The following NRG1 variants were observed in gnomAD, a reference collection of about 807,000 sequenced individuals.
NRG1 encodes neuregulin 1.
In NRG1, 18 loss-of-function variants were observed where a neutral mutation model predicts 63.8. That is an observed-to-expected ratio of 0.28 (90% CI 0.19 to 0.42). The LOEUF (loss-of-function observed/expected upper bound fraction) is 0.42. Among genes scored for constraint, NRG1 ranks in the 10% least tolerant of loss-of-function variants. The probability of loss-of-function intolerance (pLI) is 1.00; values close to 1 mark genes in which losing one functional copy is unlikely to be tolerated. For missense variants in NRG1, 762 were observed against 814.7 expected (o/e 0.94, Z 0.79); for synonymous variants, 302 against 301.3 (o/e 1.00, Z -0.02).
intron 1 of NRG1, among the ~76,000 whole-genome samples, chr8:31,747,855 G>A (rs1274586251): frequency 6.6e-6 from 1 of 151,832 alleles, no homozygotes; most frequent in Admixed American, 6.6e-5. Context: ...ATATATCCCA[G>A]GCTTCTTGGC....
At chr8:32,330,910 T>G (rs1323557023) in intron 1 of NRG1, among the ~76,000 whole-genome samples, 1 of 152,114 alleles carries the variant, frequency 6.6e-6, no homozygotes, top group East Asian at 1.9e-4. Context: ...TCTCTTCTGA[T>G]TATATTGTTT....
rs765448738 is a variant in NRG1, at chr8:32,742,915, G to C, written c.691+182G>C. On this transcript the variant is annotated intron_variant, in intron 7 of 11. Coordinates refer to ENST00000356819, the Ensembl canonical transcript of NRG1. The surrounding 1 kb of genome is among the most constrained non-coding windows in gnomAD (Gnocchi z 4.2). ...CAAAAGCAATTGTATTACTTCCTCT[G>C]TTCGCGACTAGTTGGCTCTGAGATA... 7.5e-5 allele frequency: 111 copies of C among 1,488,516 alleles called. 1 individual carries two copies. The highest frequency in any genetic ancestry group is 9.1e-5 in the Non-Finnish European group (102 of 1,118,328). The allele number at this position is 1,488,516 out of a possible 1,614,324, so 92.2% of individuals were successfully genotyped here.
chr8:32,493,397 C>G (rs1183041199), intron 1 of NRG1, among the ~76,000 whole-genome samples: 3 of 152,220 alleles, frequency 2.0e-5, no homozygotes, highest in African/African-American at 7.2e-5. Context: ...TTCAGATGAC[C>G]CGCCAAAAAC....
intron 1 of NRG1, among the ~76,000 whole-genome samples, chr8:32,277,225 G>T (rs899919786): frequency 1.3e-5 from 2 of 152,126 alleles, no homozygotes; most frequent in Non-Finnish European, 1.5e-5. Flanking sequence ...ATTACAAAAT[G>T]ACACAATAAA....
At chr8:32,368,878 C>A (rs915031144) in intron 1 of NRG1, among the ~76,000 whole-genome samples, 1 of 152,192 alleles carries the variant, frequency 6.6e-6, no homozygotes, top group African/African-American at 2.4e-5. Flanking sequence ...AAATTTAAAT[C>A]ACCGTAACAC....
intron 1 of NRG1, among the ~76,000 whole-genome samples, chr8:31,979,489 A>G (rs943724987): frequency 6.6e-5 from 10 of 152,036 alleles, no homozygotes; most frequent in African/African-American, 2.4e-4. Flanking sequence ...TTCCTATATA[A>G]AATCTTATTA....
At chr8:32,369,730 T>C (rs78165117) in intron 1 of NRG1, among the ~76,000 whole-genome samples, 8,761 of 152,326 alleles carry the variant, frequency 0.058, 324 homozygotes, top group Middle Eastern at 0.099. Flanking sequence ...TTAATAGTAG[T>C]GGCATTGTTG....
In NRG1 at chr8:32,381,482, G is replaced by GTGT. The variant is rs1489956824; in HGVS notation, c.38-214345_38-214344insGTT. Among the ~76,000 whole-genome samples the GTGT allele has an allele frequency of 2.2e-3, 339 of 152,258 alleles. 3 individuals are homozygous for GTGT. The highest frequency in any genetic ancestry group is 7.9e-3 in the African/African-American group (330 of 41,528). On this transcript the variant is annotated intron_variant, in intron 1 of 10. Coordinates refer to the NRG1 transcript ENST00000519301. ...ATCCTCAACACGGAGGCAGGGCCTG[G>GTGT]TACAGCACAGTCCTCAATAAATACT... is the stretch of plus-strand genomic sequence containing the variant.
intron 5 of NRG1, among the ~76,000 whole-genome samples, chr8:32,709,705 G>A (rs985597516): frequency 2.6e-5 from 4 of 152,092 alleles, no homozygotes; most frequent in Admixed American, 6.6e-5. Flanking sequence ...ATAGGTGTGA[G>A]CCAATGAGCC....
Position 32,548,835 on chromosome 8 carries a change from G to T in NRG1, c.100+9G>T. 6.4e-7 allele frequency: 1 copy of T among 1,554,732 alleles called. No individual in the cohort carries two copies. Among genetic ancestry groups the T allele is most frequent in the Non-Finnish European group, 8.7e-7 (1 of 1,152,378 alleles). ...GGGCAGCCAGAGCCCAGGTGGGTGC[G>T]CAGCGCGGCCCGGGCCCCACGATCC... is the stretch of plus-strand genomic sequence containing the variant. On this transcript the variant is annotated intron_variant, in intron 1 of 11. Transcript: ENST00000356819.
chr8:31,872,617 G>A (rs1389504699), intron 1 of NRG1, among the ~76,000 whole-genome samples: 1 of 152,086 alleles, frequency 6.6e-6, no homozygotes, highest in South Asian at 2.1e-4. Flanking sequence ...CATATTTTAT[G>A]TGCAACCAGT....
intron 1 of NRG1, among the ~76,000 whole-genome samples, chr8:32,297,990 T>TTAGTTTATCTGTG (rs1855094380): frequency 6.6e-6 from 1 of 152,248 alleles, no homozygotes; most frequent in Non-Finnish European, 1.5e-5. Flanking sequence ...TTTAAGTGAT[T>TTAGTTTATCTGTG]AGAACCCTTA....
chr8:32,321,775 G>T (rs2129476790), intron 1 of NRG1, among the ~76,000 whole-genome samples: 1 of 151,938 alleles, frequency 6.6e-6, no homozygotes, highest in East Asian at 1.9e-4. Flanking sequence ...CTTTGCTTTT[G>T]ATATACCTTT....
chr8:32,498,676 A>G (rs1934395938), intron 1 of NRG1, among the ~76,000 whole-genome samples: 1 of 152,182 alleles, frequency 6.6e-6, no homozygotes, highest in African/African-American at 2.4e-5. Context: ...GGGTGGGGAC[A>G]CAGCCAAACC....
chr8:32,196,943 C>CTTTTTTTTTTTTTTTTTTTTTTTTTTT lies in NRG1; in HGVS notation c.38-398877_38-398851dup, dbSNP rs773398472. Among the ~76,000 whole-genome samples the CTTTTTTTTTTTTTTTTTTTTTTTTTTT allele has an allele frequency of 2.9e-4, 8 of 27,442 alleles. 2 individuals are homozygous for CTTTTTTTTTTTTTTTTTTTTTTTTTTT. The highest frequency in any genetic ancestry group is 3.8e-3 in the East Asian group (2 of 520). 18.0% of individuals were successfully genotyped at this position (27,442 alleles called of 152,430 possible). A position where few individuals can be genotyped will look rare whatever the true frequency, so the allele number is the denominator to read the frequency against. On this transcript the variant is annotated intron_variant, in intron 1 of 10. Transcript: ENST00000519301. ...CTACCAGGCCTGTTCTCAGAACATTCTTTTTTTTTTTTTTTTTTTTTTTTT... is the reference window on the plus strand; with the variant it reads ...CTACCAGGCCTGTTCTCAGAACATTCTTTTTTTTTTTTTTTTTTTTTTTTTTTTTTTTTTTTTTTTTTTTTTTTTTTT...
At chr8:32,522,567 C>T (rs1234035774) in intron 1 of NRG1, among the ~76,000 whole-genome samples, 1 of 152,162 alleles carries the variant, frequency 6.6e-6, no homozygotes, top group Non-Finnish European at 1.5e-5. Context: ...AAAGTTGGCA[C>T]TCCCTTTTGA....
chr8:32,464,141 G>A (rs1280595834), intron 1 of NRG1, among the ~76,000 whole-genome samples: 1 of 151,454 alleles, frequency 6.6e-6, no homozygotes, highest in Admixed American at 6.6e-5. Flanking sequence ...TGATCCTCCC[G>A]CCTCAGTCCC....
At chr8:32,320,140 T>C (rs1033759362) in intron 1 of NRG1, among the ~76,000 whole-genome samples, 1 of 152,190 alleles carries the variant, frequency 6.6e-6, no homozygotes, top group African/African-American at 2.4e-5. Flanking sequence ...GATATCTGCA[T>C]CATACATCAT....
chr8:31,933,242 G>T (rs1330880617), intron 1 of NRG1, among the ~76,000 whole-genome samples: 1 of 151,156 alleles, frequency 6.6e-6, no homozygotes, highest in Non-Finnish European at 1.5e-5. Flanking sequence ...TAACTCATTT[G>T]GTCCCCACAA....
Sources: gnomAD v4.1 joint callset for allele counts (sites outside exome capture counted in the v4.1 genomes callset) on GRCh38, gnomAD v4.1.1 for gene constraint, Gnocchi (gnomAD v3.1) non-coding constraint, MANE v1.5 for transcripts, NCBI Gene and HGNC (gene_info 2026-07-23, HGNC 2026-07-21) for gene names.